Variants in USP28 observed in about 807,000 individuals in gnomAD.
The protein encoded by USP28 is ubiquitin specific peptidase 28.
USP28 carries 113 observed loss-of-function variants against 145.0 expected under a neutral mutation model. That is an observed-to-expected ratio of 0.78 (90% CI 0.67 to 0.91). USP28 has a LOEUF of 0.91. Among genes scored for constraint, USP28 ranks in the 40% least tolerant of loss-of-function variants. The pLI is 0.00. For missense variants in USP28, 1,201 were observed against 1,289.6 expected (o/e 0.93, Z 1.05); for synonymous variants, 447 against 450.9 (o/e 0.99, Z 0.11).
intron 3 of USP28, among the ~76,000 whole-genome samples, chr11:113,845,881 A>G (rs967114466): frequency 7.2e-5 from 11 of 152,202 alleles, no homozygotes; most frequent in Non-Finnish European, 1.3e-4. Context: ...GGACTAAAAC[A>G]GGGTCTTGTA....
chr11:113,808,850 G>A (rs930069447), intron 17 of USP28, among the ~76,000 whole-genome samples: 6 of 152,222 alleles, frequency 3.9e-5, no homozygotes, highest in Admixed American at 6.5e-5. Context: ...AAGGTCACAG[G>A]TAGTTAGTCT....
chr11:113,860,179 T>C (rs1947504673), intron 1 of USP28, among the ~76,000 whole-genome samples: 1 of 152,162 alleles, frequency 6.6e-6, no homozygotes, highest in East Asian at 1.9e-4. Flanking sequence ...TCGTTAAAAC[T>C]CCTAATTTAG....
chr11:113,836,830 G>C (rs1387255143), intron 5 of USP28, among the ~76,000 whole-genome samples: 1 of 152,028 alleles, frequency 6.6e-6, no homozygotes, highest in Non-Finnish European at 1.5e-5. Flanking sequence ...GTAACTCCCT[G>C]TCCACTCAGA....
rs542893740 is a variant in USP28 at position 113,833,268 on chromosome 11, ACCT to A, written c.759+149_759+151del. On this transcript the variant is annotated intron_variant, in intron 7 of 24. Transcript: ENST00000003302. The stretch of plus-strand genomic sequence containing the variant: ...ACACACACATGCTTTCTCTCTCACC[ACCT>A]GTTCTGTAGGCAAAACAAAAGTCAG... 7,939 of 1,032,130 alleles carry A rather than the reference ACCT, an allele frequency of 7.7e-3. 49 individuals are homozygous for A. Among genetic ancestry groups the A allele is most frequent in the Non-Finnish European group, 0.01 (7,220 of 709,960 alleles). The allele number at this position is 1,032,130 out of a possible 1,614,324, so 63.9% of individuals were successfully genotyped here.
At chr11:113,854,232 T>G in intron 2 of USP28, 26 bp downstream of exon 2, 1 of 1,597,152 alleles carries the variant, frequency 6.3e-7, no homozygotes, top group East Asian at 2.2e-5. Context: ...TAAAGCCTCC[T>G]GACTAACAGA....
At chr11:113,831,946 G>A (rs772008790) in exon 8 of USP28, 45 of 1,613,646 alleles carry the variant, frequency 2.8e-5, no homozygotes, top group South Asian at 2.4e-4. Context: ...GCTGGAATGC[G>A]TCCTCTAGCC....
intron 1 of USP28, among the ~76,000 whole-genome samples, chr11:113,865,112 T>G (rs1948131026): frequency 6.6e-6 from 1 of 152,160 alleles, no homozygotes; most frequent in South Asian, 2.1e-4. Flanking sequence ...CCAAAGTGAT[T>G]ACAGGCGTGA....
At chr11:113,872,904 C>T (rs1015655689) in intron 1 of USP28, among the ~76,000 whole-genome samples, 38 of 152,314 alleles carry the variant, frequency 2.5e-4, no homozygotes, top group Admixed American at 2.1e-3. Context: ...AAAGTGTCTA[C>T]TCTCAGATTC....
At chr11:113,847,855 C>T (rs1156692425) in intron 3 of USP28, among the ~76,000 whole-genome samples, 1 of 152,196 alleles carries the variant, frequency 6.6e-6, no homozygotes, top group Non-Finnish European at 1.5e-5. Flanking sequence ...TTACCCAGGT[C>T]ATGCTGGTTA....
In USP28 at chr11:113,809,258, AG is replaced by A; in HGVS notation, c.1973-5del. 3 of 1,611,310 alleles carry A rather than the reference AG, an allele frequency of 1.9e-6. No homozygotes were observed. The South Asian group carries it at 3.3e-5, about 18-fold the overall frequency. ...TCTGATTCAGTTGGGGCTGCCTCTGAGGAAAAGCAAAGATAGAGTTAAAAGG... is the reference window on the plus strand; with the variant it reads ...TCTGATTCAGTTGGGGCTGCCTCTGAGAAAAGCAAAGATAGAGTTAAAAGG... On this transcript the variant is annotated splice_region_variant and splice_polypyrimidine_tract_variant and intron_variant, in intron 16 of 24. Coordinates refer to ENST00000003302, the Ensembl canonical transcript of USP28.
chr11:113,805,018 T>C, exon 20 of USP28: 3 of 1,614,054 alleles, frequency 1.9e-6, no homozygotes, highest in Non-Finnish European at 2.5e-6. Context: ...GGCAAGCTGA[T>C]AGAGCCTGGA....
exon 25 of USP28, chr11:113,798,081 T>G (rs904249864): frequency 6.8e-6 from 1 of 146,004 alleles, no homozygotes; most frequent in Non-Finnish European, 1.5e-5. Flanking sequence ...TTTTTTTTTT[T>G]TTTTTTTTTT....
chr11:113,858,235 C>T (rs951515017), intron 1 of USP28, among the ~76,000 whole-genome samples: 7 of 152,158 alleles, frequency 4.6e-5, no homozygotes, highest in Non-Finnish European at 1.0e-4. Context: ...ATAGCTCCAA[C>T]AACAATGTTC....
At chr11:113,800,010 CTT>C (rs1169415080) in intron 24 of USP28, among the ~76,000 whole-genome samples, 2 of 146,580 alleles carry the variant, frequency 1.4e-5, no homozygotes, top group African/African-American at 2.5e-5. Context: ...AATGGAATAT[CTT>C]TTTTTTTTTT....
intron 7 of USP28, among the ~76,000 whole-genome samples, chr11:113,832,975 G>C (rs1387340239): frequency 6.6e-6 from 1 of 152,156 alleles, no homozygotes; most frequent in Non-Finnish European, 1.5e-5. Flanking sequence ...GTCTAGAAGA[G>C]AGAAGTTGCT....
chr11:113,835,401 G>A, intron 5 of USP28: 1 of 453,748 alleles, frequency 2.2e-6, no homozygotes, highest in Non-Finnish European at 4.4e-6. Flanking sequence ...AAAGCCCCAG[G>A]TATATTTCCT....
intron 3 of USP28, 38 bp downstream of exon 3, chr11:113,852,463 G>A: frequency 1.2e-6 from 2 of 1,610,276 alleles, no homozygotes; most frequent in Non-Finnish European, 1.7e-6. Context: ...TTTTCTGCTA[G>A]TTCAGCAAAG....
chr11:113,817,796 G>A (rs561661284), exon 13 of USP28: 22 of 1,614,148 alleles, frequency 1.4e-5, no homozygotes, highest in African/African-American at 1.2e-4. Context: ...CAGCATGTCC[G>A]GGAGCGGGAA....
At chr11:113,800,326 T>A (rs957957965) in intron 24 of USP28, among the ~76,000 whole-genome samples, 215 of 151,668 alleles carry the variant, frequency 1.4e-3, no homozygotes, top group Non-Finnish European at 1.9e-3. Flanking sequence ...GTTTGTTTTT[T>A]AAAGATAGGG....
Sources: gnomAD v4.1 joint callset for allele counts (sites outside exome capture counted in the v4.1 genomes callset) on GRCh38, gnomAD v4.1.1 for gene constraint, MANE v1.5 for transcripts, NCBI Gene and HGNC (gene_info 2026-07-23, HGNC 2026-07-21) for gene names.